The following NREP variants were observed in gnomAD, a reference collection of about 807,000 sequenced individuals.
NREP encodes neuronal regeneration related protein.
A neutral mutation model predicts 8.6 loss-of-function variants in NREP; 5 were observed. The ratio of observed to expected loss-of-function variants is 0.58; its 90% CI spans 0.30 to 1.22. NREP has a LOEUF of 1.22. Ranked by LOEUF, NREP falls within the 50% of genes most tolerant of loss-of-function variation. The probability of loss-of-function intolerance (pLI) is 0.07; values close to 1 mark genes in which losing one functional copy is unlikely to be tolerated. For missense variants in NREP, 86 were observed against 82.5 expected (o/e 1.04, Z -0.17); for synonymous variants, 27 against 28.0 (o/e 0.96, Z 0.11).
intron 2 of NREP, among the ~76,000 whole-genome samples, chr5:111,746,169 T>A (rs756317776): frequency 6.6e-6 from 1 of 152,138 alleles, no homozygotes; most frequent in South Asian, 2.1e-4. Flanking sequence ...TCTGATTGAA[T>A]TGATTGATTA....
chr5:111,898,212 A>G (rs1754559082), intron 2 of NREP, among the ~76,000 whole-genome samples: 1 of 152,208 alleles, frequency 6.6e-6, no homozygotes, highest in Non-Finnish European at 1.5e-5. Flanking sequence ...TATAAAGAGG[A>G]AAGTGTAGAA....
intron 1 of NREP, chr5:111,976,680 T>C (rs1300823404): frequency 7.8e-6 from 12 of 1,536,612 alleles, no homozygotes; most frequent in South Asian, 1.2e-5. Flanking sequence ...TCCCCTCATA[T>C]GCATACACAG....
At chr5:111,876,699 T>A (rs547227202) in intron 2 of NREP, among the ~76,000 whole-genome samples, 2 of 152,364 alleles carry the variant, frequency 1.3e-5, no homozygotes, top group East Asian at 3.9e-4. Context: ...CTCTCCTGTT[T>A]GACTATGCAT....
intron 2 of NREP, among the ~76,000 whole-genome samples, chr5:111,776,379 A>C (rs189739616): frequency 1.9e-4 from 29 of 152,282 alleles, no homozygotes; most frequent in Admixed American, 1.6e-3. Context: ...GAATGATCAA[A>C]ATTGGAACAT....
At chr5:111,767,376 C>T (rs538054451) in intron 2 of NREP, among the ~76,000 whole-genome samples, 10 of 152,240 alleles carry the variant, frequency 6.6e-5, no homozygotes, top group Admixed American at 1.3e-4. Context: ...GGCTTTACAA[C>T]GTAAACAGCA....
intron 2 of NREP, among the ~76,000 whole-genome samples, chr5:111,879,183 C>G (rs1753985360): frequency 6.6e-6 from 1 of 152,180 alleles, no homozygotes; most frequent in Non-Finnish European, 1.5e-5. Flanking sequence ...GCTGGCTCCC[C>G]CCTTTTGCCT....
chr5:111,746,893 C>G lies in NREP; in HGVS notation c.3+8877G>C, dbSNP rs556797477. ...TTTTAAACGGTGGGTACATTCCCTG[C>G]ACAGCATTCATTCTTTAAGCTACTA... On this transcript the variant is annotated intron_variant, in intron 2 of 3. Coordinates refer to ENST00000257435, the MANE Select transcript of NREP (RefSeq NM_004772.4). Among the ~76,000 whole-genome samples, 80 of 152,240 alleles carry G rather than the reference C, an allele frequency of 5.3e-4. 1 individual carries two copies. Among genetic ancestry groups the G allele is most frequent in the African/African-American group, 1.9e-3 (79 of 41,546 alleles).
chr5:111,904,895 G>C (rs1464560443), intron 2 of NREP, among the ~76,000 whole-genome samples: 1 of 152,024 alleles, frequency 6.6e-6, no homozygotes. Flanking sequence ...GGCTCATTCA[G>C]CTCTCAAAGA....
At chr5:111,801,485 A>G (rs1303382155) in intron 2 of NREP, among the ~76,000 whole-genome samples, 1 of 152,208 alleles carries the variant, frequency 6.6e-6, no homozygotes, top group Non-Finnish European at 1.5e-5. Flanking sequence ...GACATAGAAA[A>G]AAGAGGCCTT....
chr5:111,850,470 C>A (rs1753281028), intron 2 of NREP, among the ~76,000 whole-genome samples: 1 of 152,088 alleles, frequency 6.6e-6, no homozygotes, highest in African/African-American at 2.4e-5. Context: ...TTGTCATTTT[C>A]TTCTCCTCAC....
intron 2 of NREP, among the ~76,000 whole-genome samples, chr5:111,822,168 T>A (rs1051767161): frequency 6.6e-6 from 1 of 152,156 alleles, no homozygotes; most frequent in African/African-American, 2.4e-5. Flanking sequence ...GTAGGAAATA[T>A]GGAAATCAAG....
intron 2 of NREP, among the ~76,000 whole-genome samples, chr5:111,955,478 A>C (rs1756287703): frequency 1.8e-5 from 2 of 110,544 alleles, no homozygotes; most frequent in South Asian, 2.8e-4. Context: ...AGAAAAAAAA[A>C]AAACAAAAAA....
intron 2 of NREP, among the ~76,000 whole-genome samples, chr5:111,768,126 C>T (rs979126456): frequency 2.7e-5 from 4 of 149,896 alleles, no homozygotes; most frequent in Non-Finnish European, 5.9e-5. Context: ...TGTAAGATGG[C>T]ATTAACAACA....
At chr5:111,938,022 G>A (rs1472171270) in intron 2 of NREP, among the ~76,000 whole-genome samples, 3 of 151,990 alleles carry the variant, frequency 2.0e-5, no homozygotes, top group Admixed American at 1.3e-4. Flanking sequence ...CTCAGTGTCT[G>A]CCTCTCTGCC....
chr5:111,877,645 A>G (rs1445450480), intron 2 of NREP, among the ~76,000 whole-genome samples: 1 of 152,232 alleles, frequency 6.6e-6, no homozygotes, highest in Non-Finnish European at 1.5e-5. Flanking sequence ...AGCCTTAAAG[A>G]AGCAACTGGA....
At chr5:111,740,681 T>C (rs1258453094) in intron 2 of NREP, among the ~76,000 whole-genome samples, 2 of 152,164 alleles carry the variant, frequency 1.3e-5, no homozygotes, top group Non-Finnish European at 2.9e-5. Context: ...GCAAACTAGA[T>C]TATTGCTTAA....
Position 111,853,377 on chromosome 5 carries a change from T to A in NREP, c.136-117870A>T, listed in dbSNP as rs567259563. 5.3e-5 allele frequency among the ~76,000 whole-genome samples: 8 copies of A among 151,164 alleles called. No individual in the cohort carries two copies. In the Admixed American group the frequency reaches 5.3e-4, roughly 10 times the overall value. On this transcript the variant is annotated intron_variant, in intron 2 of 3. Coordinates refer to the NREP transcript ENST00000395634. ...ATGTACAATGTTGAGTGAACCCTAA[T>A]GTAAACTATAATCGTTAATAATAAT...
At chr5:111,759,145 G>C (rs1449475376), upstream of NREP, among the ~76,000 whole-genome samples, 1 of 152,154 alleles carries the variant, frequency 6.6e-6, no homozygotes, top group Non-Finnish European at 1.5e-5. Context: ...CCTGGGGGCT[G>C]ATCTGCAAGT....
chr5:111,911,263 A>G (rs1437125781), intron 2 of NREP, among the ~76,000 whole-genome samples: 2 of 152,138 alleles, frequency 1.3e-5, no homozygotes, highest in South Asian at 4.1e-4. Context: ...TTACCAGTGC[A>G]TAGAACAGTG....
Sources: gnomAD v4.1 joint callset for allele counts (sites outside exome capture counted in the v4.1 genomes callset) on GRCh38, gnomAD v4.1.1 for gene constraint, MANE v1.5 for transcripts, NCBI Gene and HGNC (gene_info 2026-07-23, HGNC 2026-07-21) for gene names.